BCAT1: variants seen among roughly 807,000 people sequenced by gnomAD.
The protein encoded by BCAT1 is branched-chain-amino-acid aminotransferase, cytosolic.
A neutral mutation model predicts 52.4 loss-of-function variants in BCAT1; 48 were observed. That is an observed-to-expected ratio of 0.92 (90% confidence interval 0.73 to 1.16). BCAT1 has a LOEUF of 1.16. Among genes scored for constraint, BCAT1 ranks in the 50% most tolerant of loss-of-function variants. The pLI is 0.00. For missense variants in BCAT1, 451 were observed against 457.1 expected (o/e 0.99, Z 0.12); for synonymous variants, 167 against 161.3 (o/e 1.04, Z -0.27).
At chr12:24,949,123 A>T, upstream of BCAT1, 1 of 595,878 alleles carries the variant, frequency 1.7e-6, no homozygotes, top group East Asian at 2.9e-5. Flanking sequence ...CTCGCGGCGG[A>T]GACTCGCGAC....
At chr12:24,873,028 G>T (rs1050434722) in intron 5 of BCAT1, among the ~76,000 whole-genome samples, 1 of 152,204 alleles carries the variant, frequency 6.6e-6, no homozygotes, top group African/African-American at 2.4e-5. Context: ...TAAAGGTCTG[G>T]GTCTGTGTGT....
chr12:24,855,960 C>T (rs1199806942), intron 5 of BCAT1, among the ~76,000 whole-genome samples: 1 of 152,088 alleles, frequency 6.6e-6, no homozygotes, highest in African/African-American at 2.4e-5. Context: ...ATATCCCCTT[C>T]CTTAAACAAT....
intron 5 of BCAT1, among the ~76,000 whole-genome samples, chr12:24,878,315 T>A (rs1942402466): frequency 6.6e-6 from 1 of 152,192 alleles, no homozygotes; most frequent in African/African-American, 2.4e-5. Context: ...TCTAATTTCT[T>A]ATTAGAAACT....
intron 5 of BCAT1, among the ~76,000 whole-genome samples, chr12:24,877,064 C>A (rs6487435): frequency 2.0e-5 from 3 of 152,088 alleles, no homozygotes; most frequent in Non-Finnish European, 4.4e-5. Context: ...CTGCAATTCA[C>A]GAAATTCATT....
chr12:24,944,897 T>G (rs543165643), intron 1 of BCAT1, among the ~76,000 whole-genome samples: 4 of 152,366 alleles, frequency 2.6e-5, no homozygotes, highest in South Asian at 2.1e-4. Context: ...CCTGTATTTT[T>G]GGGACATAAC....
chr12:24,942,580 A>G (rs1416489110), intron 1 of BCAT1, among the ~76,000 whole-genome samples: 1 of 152,072 alleles, frequency 6.6e-6, no homozygotes, highest in Non-Finnish European at 1.5e-5. Flanking sequence ...CTTGGGCCAA[A>G]TATACACCCT....
At chr12:24,937,479 G>A (rs756460627) in intron 1 of BCAT1, among the ~76,000 whole-genome samples, 1 of 151,942 alleles carries the variant, frequency 6.6e-6, no homozygotes, top group Non-Finnish European at 1.5e-5. Flanking sequence ...GAGGTTTTTT[G>A]CTTAATAAAA....
intron 1 of BCAT1, among the ~76,000 whole-genome samples, chr12:24,907,845 C>A (rs890233835): frequency 6.6e-6 from 1 of 152,194 alleles, no homozygotes; most frequent in African/African-American, 2.4e-5. Context: ...TTTGCTGACT[C>A]TCTTTTCAGA....
chr12:24,917,345 A>T (rs1943432581), intron 1 of BCAT1, among the ~76,000 whole-genome samples: 1 of 152,064 alleles, frequency 6.6e-6, no homozygotes, highest in Non-Finnish European at 1.5e-5. Flanking sequence ...CGCCCGGCTA[A>T]TTTTGTTTTT....
At chr12:24,896,464 T>A (rs1413888442) in intron 2 of BCAT1, among the ~76,000 whole-genome samples, 1 of 152,118 alleles carries the variant, frequency 6.6e-6, no homozygotes, top group African/African-American at 2.4e-5. Context: ...ATATTTATCA[T>A]CTAGCCATTT....
chr12:24,910,023 G>C (rs957594618), intron 1 of BCAT1, among the ~76,000 whole-genome samples: 36 of 152,192 alleles, frequency 2.4e-4, no homozygotes, highest in African/African-American at 7.2e-4. Context: ...AGACCATAAG[G>C]CTGACTCAGA....
chr12:24,882,217 G>A (rs1479196635), intron 3 of BCAT1, among the ~76,000 whole-genome samples: 8 of 152,058 alleles, frequency 5.3e-5, no homozygotes, highest in Non-Finnish European at 8.8e-5. Context: ...CACAAGATAA[G>A]CCAGAAATCA....
At chr12:24,944,690 G>A (rs746464902) in intron 1 of BCAT1, among the ~76,000 whole-genome samples, 11 of 152,168 alleles carry the variant, frequency 7.2e-5, no homozygotes, top group East Asian at 1.9e-4. Context: ...TCTACACACC[G>A]AAATAAAGAA....
chr12:24,919,493 C>T (rs1038157304), intron 1 of BCAT1, among the ~76,000 whole-genome samples: 1 of 152,202 alleles, frequency 6.6e-6, no homozygotes, highest in Admixed American at 6.5e-5. Flanking sequence ...CTAAACCCCA[C>T]TTTAATGTCC....
chr12:24,890,944 T>C (rs1942820233), intron 3 of BCAT1, among the ~76,000 whole-genome samples: 1 of 152,146 alleles, frequency 6.6e-6, no homozygotes, highest in African/African-American at 2.4e-5. Context: ...GAGAATTGAA[T>C]TGGAGGACAC....
intron 1 of BCAT1, among the ~76,000 whole-genome samples, chr12:24,942,405 G>A (rs1004843582): frequency 3.3e-5 from 5 of 152,064 alleles, no homozygotes; most frequent in Non-Finnish European, 5.9e-5. Context: ...AAAGCCAAGC[G>A]TGGTCGTGGG....
Position 24,901,876 on chromosome 12 carries a change from T to C in BCAT1, c.16A>G (p.Asn6Asp), listed in dbSNP as rs1323302701. 6.2e-7 allele frequency: 1 copy of C among 1,613,906 alleles called. No individual in the cohort carries two copies. MKDCS[N>D]GCSAECTGEG... ...CCGGTACACTCTGCGGAGCATCCGT[T>C]ACTGCAATCCTTAAAGAAGAATTAA... The change falls in exon 2 of 11, where the codon AAC (asparagine) becomes GAC (aspartate). Residue 6 changes from asparagine to aspartate, a missense_variant. Physicochemically the swap from Asn to Asp is conservative, Grantham distance 23 (BLOSUM62 1). Transcript: ENST00000261192.
At chr12:24,911,559 C>A (rs1279923381) in intron 1 of BCAT1, among the ~76,000 whole-genome samples, 1 of 152,230 alleles carries the variant, frequency 6.6e-6, no homozygotes, top group Non-Finnish European at 1.5e-5. Flanking sequence ...AACATAAGTT[C>A]TTCTGACATT....
At chr12:24,856,042 G>C (rs1941671273) in intron 5 of BCAT1, among the ~76,000 whole-genome samples, 1 of 152,082 alleles carries the variant, frequency 6.6e-6, no homozygotes, top group Non-Finnish European at 1.5e-5. Flanking sequence ...CACCTTTTTA[G>C]GCCAAACCAA....
Sources: allele counts gnomAD v4.1 joint callset (sites outside exome capture counted in the v4.1 genomes callset), GRCh38; gene constraint gnomAD v4.1.1; transcripts MANE v1.5; gene names NCBI Gene and HGNC (gene_info 2026-07-23, HGNC 2026-07-21).